The following NDE1 variants were observed in gnomAD, a reference collection of about 807,000 sequenced individuals.
NDE1 encodes the protein nudE neurodevelopment protein 1, also known as nuclear distribution protein nudE homolog 1.
In NDE1, 28 loss-of-function variants were observed where a neutral mutation model predicts 43.4. The observed-to-expected ratio is 0.65, with a 90% confidence interval of 0.48 to 0.89. NDE1 has a LOEUF of 0.89. Ranked by LOEUF, NDE1 falls within the 40% of genes least tolerant of loss-of-function variation. The pLI is 0.00. For synonymous variants in NDE1, 184 were observed against 172.0 expected (o/e 1.07, Z -0.55); for missense variants, 441 against 434.1 (o/e 1.02, Z -0.14).
In NDE1 at chr16:15,655,164, C is replaced by T. The variant is rs180841897; in HGVS notation, c.-44+4870C>T. Among the ~76,000 whole-genome samples, 16 of 152,188 alleles carry T rather than the reference C, an allele frequency of 1.1e-4. No homozygotes were observed. In the East Asian group the frequency reaches 2.3e-3, roughly 22 times the overall value. ...ACCCAAGTAGCTGGAATTATAGGTG[C>T]GCTCTACCACACCTGGCTAATTTTT... On this transcript the variant is annotated intron_variant, in intron 1 of 8. Transcript: ENST00000396354.
chr16:15,697,139 C>A, intron 8 of NDE1: 1 of 861,504 alleles, frequency 1.2e-6, no homozygotes, highest in Non-Finnish European at 1.4e-6. Flanking sequence ...TGCCTCCCAG[C>A]TCAAACGATC....
At chr16:15,712,476 C>T (rs920217075) in intron 8 of NDE1, among the ~76,000 whole-genome samples, 4 of 151,920 alleles carry the variant, frequency 2.6e-5, no homozygotes, top group African/African-American at 2.4e-5. Flanking sequence ...GGTGCAACCC[C>T]ATCTCTACTA....
intron 8 of NDE1, among the ~76,000 whole-genome samples, chr16:15,710,767 C>T (rs2039740962): frequency 6.6e-6 from 1 of 151,922 alleles, no homozygotes; most frequent in Admixed American, 6.6e-5. Flanking sequence ...GGCTCCTCCT[C>T]CTGGGTTGCA....
At chr16:15,653,042 G>A (rs181711887) in intron 1 of NDE1, among the ~76,000 whole-genome samples, 375 of 152,170 alleles carry the variant, frequency 2.5e-3, no homozygotes, top group African/African-American at 8.6e-3. Flanking sequence ...AAGGTGTCAG[G>A]TACAAATCCA....
At position 15,704,258 on chromosome 16, in the gene NDE1, C is replaced by T. The variant is rs534318282; in HGVS notation, c.947+7398C>T. On this transcript the variant is annotated intron_variant, in intron 8 of 8. Transcript: ENST00000396354. ...TTTTTTTTATGGCAGAAAACACACA[C>T]GGCACAAATAAGATGCAGATATTCA... 6.2e-4 allele frequency: 588 copies of T among 948,650 alleles called. 6 individuals are homozygous for T. The African/African-American group carries it at 9.2e-3, about 15-fold the overall frequency. The allele number at this position is 948,650 out of a possible 1,614,324, so 58.8% of individuals were successfully genotyped here. A position where few individuals can be genotyped will look rare whatever the true frequency, so the allele number is the denominator to read the frequency against.
Position 15,722,099 on chromosome 16 carries a change from G to C in NDE1, c.948-2092G>C, listed in dbSNP as rs2151212663. On this transcript the variant is annotated intron_variant, in intron 8 of 8. Transcript: ENST00000396354. Reference sequence around the variant, plus strand: ...TCTCGAACTCCTGACCCTCAAGTGAGCCTCCTGCCTCGGCCTCCCAAAGCA... The same window carrying C: ...TCTCGAACTCCTGACCCTCAAGTGACCCTCCTGCCTCGGCCTCCCAAAGCA... 1.3e-5 allele frequency among the ~76,000 whole-genome samples: 2 copies of C among 152,030 alleles called. 1 individual carries two copies. The highest frequency in any genetic ancestry group is 4.2e-4 in the South Asian group (2 of 4,814).
chr16:15,667,062 A>G (rs2037343160), intron 2 of NDE1, among the ~76,000 whole-genome samples: 1 of 152,146 alleles, frequency 6.6e-6, no homozygotes, highest in Admixed American at 6.6e-5. Context: ...CCTGGCCAAC[A>G]TGGTGAAACC....
intron 8 of NDE1, among the ~76,000 whole-genome samples, chr16:15,709,239 C>T (rs776412456): frequency 6.6e-6 from 1 of 151,962 alleles, no homozygotes; most frequent in East Asian, 1.9e-4. Context: ...TGAACCACCG[C>T]ACCTGGCATT....
intron 6 of NDE1, among the ~76,000 whole-genome samples, chr16:15,692,278 G>C (rs1221757081): frequency 6.6e-6 from 1 of 152,178 alleles, no homozygotes; most frequent in Non-Finnish European, 1.5e-5. Flanking sequence ...GCAATTGAAT[G>C]GCAGATGGTT....
upstream of NDE1, among the ~76,000 whole-genome samples, chr16:15,647,589 T>G (rs2151380396): frequency 6.6e-6 from 1 of 152,312 alleles, no homozygotes. Context: ...CTTGCCTTAG[T>G]CATAGCACTT....
chr16:15,669,279 C>T (rs1049179882), intron 3 of NDE1, among the ~76,000 whole-genome samples: 9 of 151,940 alleles, frequency 5.9e-5, no homozygotes, highest in East Asian at 1.9e-4. Flanking sequence ...CTGCAACCTC[C>T]GCCTCCCAGG....
chr16:15,681,253 CTT>C (rs71134448), intron 4 of NDE1, among the ~76,000 whole-genome samples: 8 of 31,428 alleles, frequency 2.5e-4, no homozygotes, highest in African/African-American at 1.1e-3. Context: ...TAAACACTGC[CTT>C]TTTTTTTTTT....
At chr16:15,690,196 C>T (rs2038662450) in intron 5 of NDE1, among the ~76,000 whole-genome samples, 1 of 151,868 alleles carries the variant, frequency 6.6e-6, no homozygotes, top group African/African-American at 2.4e-5. Flanking sequence ...AGGCGCTCAC[C>T]ACCACGCATG....
intron 1 of NDE1, among the ~76,000 whole-genome samples, chr16:15,659,941 G>T (rs2036965613): frequency 6.6e-6 from 1 of 151,426 alleles, no homozygotes; most frequent in Non-Finnish European, 1.5e-5. Flanking sequence ...TAGAGATGGG[G>T]TTTCACCATA....
intron 8 of NDE1, chr16:15,719,111 G>A (rs1415804490): frequency 2.7e-6 from 3 of 1,096,272 alleles, no homozygotes; most frequent in East Asian, 2.5e-5. Flanking sequence ...CTGGGTGACA[G>A]AATGAAACTC....
chr16:15,665,262 A>T (rs146667585), intron 2 of NDE1, among the ~76,000 whole-genome samples: 3,879 of 152,104 alleles, frequency 0.026, 71 homozygotes, highest in Non-Finnish European at 0.041. Flanking sequence ...ACACTATCTC[A>T]AAACTGCCTG....
Position 15,717,106 on chromosome 16 carries a change from T to G in NDE1, c.948-7085T>G, listed in dbSNP as rs745652456. On this transcript the variant is annotated intron_variant, in intron 8 of 8. Coordinates refer to ENST00000396354, the MANE Select transcript of NDE1 (RefSeq NM_017668.3). ...TGACTCCTGCTGTCCATCACCCCCC[T>G]GCAAACTGGGTTCGGAACTCCACAC... 3.7e-6 allele frequency: 6 copies of G among 1,610,660 alleles called. No individual in the cohort carries two copies. In the East Asian group the frequency reaches 6.7e-5, roughly 18 times the overall value.
chr16:15,657,751 G>A (rs867095307), intron 1 of NDE1, among the ~76,000 whole-genome samples: 1 of 151,884 alleles, frequency 6.6e-6, no homozygotes, highest in Admixed American at 6.6e-5. Context: ...ACGCACCGCC[G>A]TGCCCGTTTG....
At chr16:15,722,985 C>G (rs1038651283) in intron 8 of NDE1, among the ~76,000 whole-genome samples, 1 of 152,104 alleles carries the variant, frequency 6.6e-6, no homozygotes, top group African/African-American at 2.4e-5. Context: ...CTCAAGTGAT[C>G]CACCTGCCTC....
Sources: allele counts gnomAD v4.1 joint callset (sites outside exome capture counted in the v4.1 genomes callset), GRCh38; gene constraint gnomAD v4.1.1; transcripts MANE v1.5; gene names NCBI Gene and HGNC (gene_info 2026-07-23, HGNC 2026-07-21).